NSD1: variants seen among roughly 807,000 people sequenced by gnomAD.
NSD1 encodes nuclear receptor binding SET domain protein 1.
Under a neutral mutation model 242.7 loss-of-function variants are expected in NSD1, and 26 were observed. The ratio of observed to expected loss-of-function variants is 0.11; its 90% confidence interval spans 0.08 to 0.15. NSD1 has a LOEUF of 0.15. Ranked by LOEUF, NSD1 falls within the 10% of genes least tolerant of loss-of-function variation. The pLI, the probability that NSD1 is intolerant of heterozygous loss-of-function variation, is 1.00. For synonymous variants in NSD1, 1,106 were observed against 1,178.1 expected (o/e 0.94, Z 1.25); for missense variants, 2,495 against 3,272.8 (o/e 0.76, Z 5.80).
At chr5:177,188,737 G>A (rs35849497) in intron 2 of NSD1, among the ~76,000 whole-genome samples, 35,362 of 151,638 alleles carry the variant, frequency 0.23, 5,475 homozygotes, top group East Asian at 0.51. Flanking sequence ...GGCCTTGAAC[G>A]CCCAGCCTCG....
At chr5:177,292,205 A>C in intron 22 of NSD1, 47 bp downstream of exon 22, 1 of 1,589,062 alleles carries the variant, frequency 6.3e-7, no homozygotes, top group Non-Finnish European at 8.6e-7. Context: ...TCTCCATCAT[A>C]CTCAGGGTCT....
At position 177,260,056 on chromosome 5, in the gene NSD1, G is replaced by A; in HGVS notation, c.5034G>A (p.Gly1678=). The A allele has an allele frequency of 6.2e-7, 1 of 1,614,100 alleles. No homozygotes were observed. The highest frequency in any genetic ancestry group is 8.5e-7 in the Non-Finnish European group (1 of 1,180,026). Residue 1678 remains glycine, a synonymous_variant, in exon 14 of 23, where the codon GGG becomes GGA. Transcript: ENST00000439151. ...YHANDFCLAA[G]SKILASNSII... ...CCAATGACTTTTGCCTGGCTGCTGG[G>A]TCAAAGATCCTTGCATCTAATAGTA...
rs573094965 is a variant in NSD1 at position 177,266,136 on chromosome 5, C to T, written c.5147-1426C>T. On this transcript the variant is annotated intron_variant, in intron 14 of 22. Transcript: ENST00000439151. Reference sequence around the variant, plus strand: ...TCTGGGAAGATGAGGCTATTGGGCGCCAGCCACTTGTCCGGGCATAGAGCA... The same window carrying T: ...TCTGGGAAGATGAGGCTATTGGGCGTCAGCCACTTGTCCGGGCATAGAGCA... 4 of 1,112,650 alleles carry T rather than the reference C, an allele frequency of 3.6e-6. No individual in the cohort carries two copies. The Admixed American group carries it at 5.1e-5, about 14-fold the overall frequency. 68.9% of individuals were successfully genotyped at this position (1,112,650 alleles called of 1,614,324 possible). A position where few individuals can be genotyped will look rare whatever the true frequency, so the allele number is the denominator to read the frequency against.
At position 177,295,235 on chromosome 5, in the gene NSD1, A is replaced by G. The variant is rs1760176313; in HGVS notation, c.7867A>G (p.Ser2623Gly). Residue 2623 changes from serine to glycine, a missense_variant, in exon 23 of 23, where the codon AGT becomes GGT. By Grantham distance (56) the Ser-to-Gly change is moderately conservative. Coordinates refer to ENST00000439151, the MANE Select transcript of NSD1 (RefSeq NM_022455.5). This position sits in a 1 kb window ranked among gnomAD's most constrained non-coding sequence, Gnocchi z 4.3. ...AAAGAAGTTGGTAACCACAGAGCAA[A>G]GTCCCTGGGCCCTGGGAAAAGCCTC... ...EEKKLVTTEQ[S>G]PWALGKASSR... The G allele has an allele frequency of 1.2e-6, 2 of 1,614,068 alleles. No individual in the cohort carries two copies. Among genetic ancestry groups the G allele is most frequent in the African/African-American group, 2.7e-5 (2 of 74,932 alleles).
At chr5:177,140,514 T>C (rs1756722760) in intron 2 of NSD1, among the ~76,000 whole-genome samples, 1 of 152,084 alleles carries the variant, frequency 6.6e-6, no homozygotes, top group African/African-American at 2.4e-5. Flanking sequence ...GTAGGGTATG[T>C]TGCAATAGTA....
At chr5:177,225,306 C>T (rs975718886) in intron 5 of NSD1, among the ~76,000 whole-genome samples, 3 of 151,948 alleles carry the variant, frequency 2.0e-5, no homozygotes, top group Non-Finnish European at 4.4e-5. Flanking sequence ...CCACACCCAG[C>T]TAATTTTTGT....
At chr5:177,242,610 C>T (rs1765967533) in intron 8 of NSD1, among the ~76,000 whole-genome samples, 1 of 152,040 alleles carries the variant, frequency 6.6e-6, no homozygotes, top group Admixed American at 6.6e-5. Context: ...TCACCACAAC[C>T]TCCACCTTCC....
At chr5:177,218,539 G>T (rs1455539108) in intron 5 of NSD1, among the ~76,000 whole-genome samples, 2 of 151,236 alleles carry the variant, frequency 1.3e-5, no homozygotes, top group African/African-American at 2.4e-5. Flanking sequence ...TGCATTCCAA[G>T]ATTAAATTCC....
chr5:177,215,984 C>T (rs1763741631), intron 5 of NSD1, among the ~76,000 whole-genome samples: 1 of 152,150 alleles, frequency 6.6e-6, no homozygotes, highest in African/African-American at 2.4e-5. Context: ...TCTCAGCATC[C>T]TGAGTAGCTG....
At chr5:177,175,596 A>G (rs1760125741) in intron 2 of NSD1, among the ~76,000 whole-genome samples, 1 of 152,142 alleles carries the variant, frequency 6.6e-6, no homozygotes, top group Admixed American at 6.6e-5. Flanking sequence ...GCCACAGCAC[A>G]TTAGCCTGAG....
chr5:177,181,582 T>C (rs1027240444), intron 2 of NSD1, among the ~76,000 whole-genome samples: 2 of 151,810 alleles, frequency 1.3e-5, no homozygotes, highest in African/African-American at 2.4e-5. Context: ...CCTGCCAGTA[T>C]GCCTGGCTAA....
intron 2 of NSD1, among the ~76,000 whole-genome samples, chr5:177,176,150 G>A (rs1306377116): frequency 6.6e-6 from 1 of 152,132 alleles, no homozygotes; most frequent in Non-Finnish European, 1.5e-5. Context: ...TGCTGGGATT[G>A]CAGGCCTTAG....
In NSD1 at chr5:177,257,138, T is replaced by C. The variant is rs774294100; in HGVS notation, c.4953T>C (p.Val1651=). 1 of 1,613,916 alleles carries C rather than the reference T, an allele frequency of 6.2e-7. No homozygotes were observed. The highest frequency in any genetic ancestry group is 8.5e-7 in the Non-Finnish European group (1 of 1,179,902). The change falls in exon 13 of 23, where the codon GTT becomes GTC. Residue 1651 remains valine (V), a synonymous_variant. Transcript: ENST00000439151. The stretch of plus-strand genomic sequence containing the variant: ...GTCATGCTGCTAATCCAGCCAATGT[T>C]TCTGCATCTAAAGGTATGGATTTCT... The part of the protein sequence containing the change: ...ITCHAANPAN[V]SASKGRLMRC...
chr5:177,218,447 G>A (rs1433976986), intron 5 of NSD1, among the ~76,000 whole-genome samples: 1 of 151,618 alleles, frequency 6.6e-6, no homozygotes, highest in Non-Finnish European at 1.5e-5. Context: ...AAGTGTGAAG[G>A]TCATGTAGTT....
rs773655381 is a variant in NSD1, at chr5:177,211,433, C to T, written c.3034C>T (p.Arg1012Cys). 6.2e-6 allele frequency: 10 copies of T among 1,614,028 alleles called. No homozygotes were observed. The highest frequency in any genetic ancestry group is 1.6e-4 in the Middle Eastern group (1 of 6,084). Residue 1012 changes from arginine to cysteine, a missense_variant, in exon 5 of 23, where the codon CGT becomes TGT. Physicochemically the swap from Arg to Cys is radical, Grantham distance 180. Around this residue, in one of 19 missense-constraint regions of NSD1, gnomAD observed 426 missense variants for 411.4 expected, o/e 1.04. Coordinates refer to ENST00000439151, the MANE Select transcript of NSD1 (RefSeq NM_022455.5). ...AGACCTCCCTGCTTCTGGTAAAAGT[C>T]GTTCAGACTGTGTTACTAGGCGCAA... Reference protein sequence around the residue: ...KRDLPASGKSRSDCVTRRNCG... With the variant: ...KRDLPASGKSCSDCVTRRNCG...
intron 15 of NSD1, 44 bp downstream of exon 15, chr5:177,267,762 T>C (rs1276456436): frequency 6.3e-7 from 1 of 1,581,726 alleles, no homozygotes; most frequent in South Asian, 1.1e-5. Context: ...CATCCTCTGT[T>C]TCTTGAGACC....
rs1760381352 is a variant in NSD1, at chr5:177,298,376, T to C, written c.*2917T>C. On this transcript the variant is annotated 3_prime_UTR_variant, in exon 23 of 23. Coordinates refer to ENST00000439151, the MANE Select transcript of NSD1 (RefSeq NM_022455.5). ...ACAAGGCAAAAGTTGAAATTCTCCA[T>C]GGGTAGCTAGAAAGCCAATACATCT... 1.3e-5 allele frequency: 3 copies of C among 233,122 alleles called. No homozygotes were observed. The highest frequency in any genetic ancestry group is 1.2e-4 in the East Asian group (2 of 16,592). The allele number at this position is 233,122 out of a possible 1,614,324, so 14.4% of individuals were successfully genotyped here. A position where few individuals can be genotyped will look rare whatever the true frequency, so the allele number is the denominator to read the frequency against.
intron 2 of NSD1, among the ~76,000 whole-genome samples, chr5:177,185,465 G>A (rs1175089614): frequency 6.6e-6 from 1 of 151,216 alleles, no homozygotes; most frequent in African/African-American, 2.4e-5. Flanking sequence ...GGGCATGGTG[G>A]CAGGCGCCTG....
At chr5:177,192,066 A>C (rs373105247) in intron 3 of NSD1, 47 bp downstream of exon 3, 5 of 1,543,242 alleles carry the variant, frequency 3.2e-6, no homozygotes, top group Admixed American at 3.6e-5. Context: ...TGCCTTTAGA[A>C]TAACTCAATT....
Sources: gnomAD v4.1 joint callset for allele counts (sites outside exome capture counted in the v4.1 genomes callset) on GRCh38, gnomAD v4.1.1 for gene constraint, gnomAD v4.1.1 regional missense constraint, Gnocchi (gnomAD v3.1) non-coding constraint, MANE v1.5 for transcripts, NCBI Gene and HGNC (gene_info 2026-07-23, HGNC 2026-07-21) for gene names.